Variants in RORA observed in about 807,000 individuals in gnomAD.
RORA encodes the protein RAR related orphan receptor A, also known as nuclear receptor ROR-alpha.
RORA carries 7 observed loss-of-function variants against 69.5 expected under a neutral mutation model. The observed-to-expected ratio is 0.10, with a 90% confidence interval of 0.06 to 0.19. RORA has a LOEUF of 0.19. RORA is among the 10% of genes least tolerant of loss of function. The probability of loss-of-function intolerance (pLI) is 1.00; values close to 1 mark genes in which losing one functional copy is unlikely to be tolerated. For synonymous variants in RORA, 261 were observed against 240.8 expected, an observed-to-expected ratio of 1.08 and a Z score of -0.78; for missense variants, 457 against 663.0, an observed-to-expected ratio of 0.69 and a Z score of 3.41.
intron 1 of RORA, among the ~76,000 whole-genome samples, chr15:60,867,515 A>G (rs1047250026): frequency 2.6e-5 from 4 of 152,244 alleles, no homozygotes; most frequent in Non-Finnish European, 4.4e-5. Flanking sequence ...GAGCAGTAGC[A>G]GAGAATCTTT....
intron 1 of RORA, among the ~76,000 whole-genome samples, chr15:60,695,981 G>A (rs762646806): frequency 2.0e-5 from 3 of 151,924 alleles, no homozygotes; most frequent in South Asian, 2.1e-4. Context: ...AACCACCGGC[G>A]CTTCAAAGAA....
chr15:60,900,331 AACAGCACACAAGTT>A (rs1209995838), intron 1 of RORA, among the ~76,000 whole-genome samples: 4 of 152,244 alleles, frequency 2.6e-5, no homozygotes, highest in East Asian at 3.8e-4. Flanking sequence ...ACAGTAGCCC[AACAGCACACAAGTT>A]ACAGCACACA....
chr15:61,205,213 C>T (rs1263524839), intron 1 of RORA, among the ~76,000 whole-genome samples: 1 of 152,158 alleles, frequency 6.6e-6, no homozygotes, highest in Non-Finnish European at 1.5e-5. Context: ...CAGAGCCTGG[C>T]TGAATAAAGC....
intron 1 of RORA, among the ~76,000 whole-genome samples, chr15:61,065,634 G>C (rs968110909): frequency 2.6e-5 from 4 of 152,224 alleles, no homozygotes; most frequent in Admixed American, 2.6e-4. Flanking sequence ...ATGGGGCAGA[G>C]TGGGATACCT....
chr15:60,790,817 G>T (rs946463443), intron 1 of RORA, among the ~76,000 whole-genome samples: 2 of 152,156 alleles, frequency 1.3e-5, no homozygotes, highest in Non-Finnish European at 2.9e-5. Context: ...AAAACTTCTG[G>T]CCTAGCTTCA....
chr15:60,753,206 A>G (rs1232718187), intron 1 of RORA, among the ~76,000 whole-genome samples: 3 of 152,232 alleles, frequency 2.0e-5, no homozygotes, highest in Admixed American at 1.3e-4. Context: ...TCCTACTCGC[A>G]GTTTAGTTCT....
At position 60,558,577 on chromosome 15, in the gene RORA, T is replaced by C. The variant is rs144829812; in HGVS notation, c.197-26726A>G. ...AGTAATTTCGATTCAGTAAATGCTA[T>C]CACTGTTTCCCCCTTCTAAAGATAT... On this transcript the variant is annotated intron_variant, in intron 2 of 10. Coordinates refer to ENST00000335670, the MANE Select transcript of RORA (RefSeq NM_134261.3). Among the ~76,000 whole-genome samples, 12 of 152,374 alleles carry C rather than the reference T, an allele frequency of 7.9e-5. No individual in the cohort carries two copies. The East Asian group carries it at 2.3e-3, about 29-fold the overall frequency.
intron 2 of RORA, among the ~76,000 whole-genome samples, chr15:60,612,917 CT>C (rs905138822): frequency 1.3e-5 from 2 of 151,294 alleles, no homozygotes; most frequent in African/African-American, 2.4e-5. Flanking sequence ...AATGCCTTTT[CT>C]TTTTTTTCCT....
chr15:60,566,627 C>T (rs2067720684), intron 2 of RORA, among the ~76,000 whole-genome samples: 1 of 152,140 alleles, frequency 6.6e-6, no homozygotes, highest in African/African-American at 2.4e-5. Context: ...TACATGGTAG[C>T]AACTTATAAA....
intron 1 of RORA, among the ~76,000 whole-genome samples, chr15:61,152,312 T>C (rs1296730280): frequency 2.0e-5 from 3 of 152,012 alleles, no homozygotes; most frequent in African/African-American, 4.8e-5. Flanking sequence ...TAGAAGGAAG[T>C]GGAATAAGCA....
Position 60,498,398 on chromosome 15 carries a change from C to T in RORA, c.1408-779G>A, listed in dbSNP as rs554473614. On this transcript the variant is annotated intron_variant, in intron 10 of 10. Coordinates refer to ENST00000335670, the MANE Select transcript of RORA (RefSeq NM_134261.3). The stretch of plus-strand genomic sequence containing the variant: ...CTCTACACATTTTATCCAGAACTGG[C>T]ACTAGTCAACTCCGATAACTACACG... Among the ~76,000 whole-genome samples the T allele has an allele frequency of 2.6e-5, 4 of 152,134 alleles. No individual in the cohort carries two copies. The East Asian group carries it at 7.7e-4, about 29-fold the overall frequency.
At chr15:60,743,175 C>T (rs977733354) in intron 1 of RORA, among the ~76,000 whole-genome samples, 3 of 151,824 alleles carry the variant, frequency 2.0e-5, no homozygotes, top group East Asian at 3.9e-4. Context: ...CCACCATGCC[C>T]GGCTAATTTT....
At chr15:61,215,470 A>T (rs570399837) in intron 1 of RORA, among the ~76,000 whole-genome samples, 1 of 152,248 alleles carries the variant, frequency 6.6e-6, no homozygotes, top group Non-Finnish European at 1.5e-5. Context: ...AGGTTGAAAC[A>T]AACGTAGAAA....
At chr15:61,063,937 C>T (rs1251568334) in intron 1 of RORA, among the ~76,000 whole-genome samples, 1 of 152,178 alleles carries the variant, frequency 6.6e-6, no homozygotes, top group African/African-American at 2.4e-5. Context: ...GCTGAACTGC[C>T]TTCCGTCTGG....
At chr15:60,719,461 A>C (rs1595656970) in intron 1 of RORA, among the ~76,000 whole-genome samples, 1 of 152,134 alleles carries the variant, frequency 6.6e-6, no homozygotes, top group Non-Finnish European at 1.5e-5. Context: ...AAAATCCAAA[A>C]CCACAAAATA....
intron 1 of RORA, among the ~76,000 whole-genome samples, chr15:60,912,703 A>G (rs559504587): frequency 6.6e-6 from 1 of 152,154 alleles, no homozygotes; most frequent in Non-Finnish European, 1.5e-5. Context: ...GCAGTGAGCC[A>G]AGATCGTGCC....
At chr15:60,818,714 T>C (rs757695796) in intron 1 of RORA, among the ~76,000 whole-genome samples, 2 of 152,218 alleles carry the variant, frequency 1.3e-5, no homozygotes, top group Non-Finnish European at 2.9e-5. Flanking sequence ...GCATGAAAGA[T>C]TAAAAAACAA....
chr15:61,107,666 G>C (rs992196100), intron 1 of RORA, among the ~76,000 whole-genome samples: 14 of 151,796 alleles, frequency 9.2e-5, no homozygotes, highest in Non-Finnish European at 1.9e-4. Context: ...ATCTAGTATA[G>C]GTGTTTGCTG....
intron 1 of RORA, among the ~76,000 whole-genome samples, chr15:60,840,032 T>A: frequency 6.6e-6 from 1 of 152,064 alleles, no homozygotes; most frequent in East Asian, 1.9e-4. Context: ...AGGGAGAGTC[T>A]GGGAACAGCC....
Sources: gnomAD v4.1 joint callset for allele counts (sites outside exome capture counted in the v4.1 genomes callset) on GRCh38, gnomAD v4.1.1 for gene constraint, MANE v1.5 for transcripts, NCBI Gene and HGNC (gene_info 2026-07-23, HGNC 2026-07-21) for gene names.